The following HMGXB4 variants were observed in gnomAD, a reference collection of about 807,000 sequenced individuals.
The protein encoded by HMGXB4 is HMG-box containing 4.
HMGXB4 carries 27 observed loss-of-function variants against 63.9 expected under a neutral mutation model. That is an observed-to-expected ratio of 0.42 (90% CI 0.31 to 0.58). HMGXB4 has a LOEUF of 0.58. Among genes scored for constraint, HMGXB4 ranks in the 20% least tolerant of loss-of-function variants. The pLI, the probability that HMGXB4 is intolerant of heterozygous loss-of-function variation, is 0.13. For missense variants in HMGXB4, 624 were observed against 700.7 expected, an observed-to-expected ratio of 0.89 and a Z score of 1.24; for synonymous variants, 264 against 265.3, an observed-to-expected ratio of 0.99 and a Z score of 0.05.
rs1365424433 is a variant in HMGXB4 at position 35,295,775 on chromosome 22, ATAT to A, written c.*2130_*2132del. ...TATAAAGAAATAAAATTTTGTACTT[ATAT>A]TATTAAAAATCACATTTTTAATATT... On this transcript the variant is annotated 3_prime_UTR_variant, in exon 11 of 11. Transcript: ENST00000216106. 6.6e-6 allele frequency: 1 copy of A among 152,612 alleles called. No individual in the cohort carries two copies. Among genetic ancestry groups the A allele is most frequent in the Non-Finnish European group, 1.5e-5 (1 of 68,028 alleles). The allele number at this position is 152,612 out of a possible 1,614,324, so 9.5% of individuals were successfully genotyped here. A position where few individuals can be genotyped will look rare whatever the true frequency, so the allele number is the denominator to read the frequency against.
rs1009527054 is a variant in HMGXB4, at chr22:35,263,280, G to C, written c.180+54G>C. 3 of 1,438,466 alleles carry C rather than the reference G, an allele frequency of 2.1e-6. No individual in the cohort carries two copies. In the African/African-American group the frequency reaches 4.3e-5, roughly 21 times the overall value. The allele number at this position is 1,438,466 out of a possible 1,614,324, so 89.1% of individuals were successfully genotyped here. ...GTCTTAAACTACTCATTTTTTTTTG[G>C]TGATGCAGAGTTTTTTTTTGTTTTT... On this transcript the variant is annotated intron_variant, in intron 3 of 10. Transcript: ENST00000216106.
chr22:35,287,596 A>G, intron 8 of HMGXB4, 144 bp downstream of exon 8: 1 of 643,190 alleles, frequency 1.6e-6, no homozygotes. Flanking sequence ...AAGCTACCAA[A>G]AAGAGATGTT....
chr22:35,250,381 A>G, the HMGXB4 span, among the ~76,000 whole-genome samples: 1 of 152,166 alleles, frequency 6.6e-6, no homozygotes, highest in African/African-American at 2.4e-5. Context: ...GAGCTGGAGC[A>G]AGAGAGAGAG....
intron 5 of HMGXB4, among the ~76,000 whole-genome samples, chr22:35,277,290 C>A (rs1229519786): frequency 6.6e-6 from 1 of 152,168 alleles, no homozygotes; most frequent in Non-Finnish European, 1.5e-5. Context: ...CTTCTTGTCT[C>A]ATTTTATTTG....
At chr22:35,262,455 G>A in intron 2 of HMGXB4, 34 bp downstream of exon 2, 5 of 1,602,118 alleles carry the variant, frequency 3.1e-6, no homozygotes, top group Non-Finnish European at 4.3e-6. Context: ...CATTCCAAAG[G>A]GGGTATCCTC....
chr22:35,261,136 C>T (rs111437692), intron 1 of HMGXB4, among the ~76,000 whole-genome samples: 5 of 152,112 alleles, frequency 3.3e-5, no homozygotes, highest in Non-Finnish European at 5.9e-5. Flanking sequence ...GTTCTTAAAA[C>T]ATTTAAAGAA....
intron 5 of HMGXB4, among the ~76,000 whole-genome samples, chr22:35,269,424 C>CT (rs957658117): frequency 2.6e-5 from 4 of 152,154 alleles, no homozygotes; most frequent in African/African-American, 7.2e-5. Context: ...CACCCAATTT[C>CT]TTTAACTTAG....
chr22:35,245,386 T>C, the HMGXB4 span, among the ~76,000 whole-genome samples: 8 of 151,540 alleles, frequency 5.3e-5, no homozygotes, highest in Admixed American at 5.2e-4. Context: ...ATTTTGTATT[T>C]ATATTATTGT....
chr22:35,265,846 G>A lies in HMGXB4; in HGVS notation c.1215+243G>A, dbSNP rs148460349. Among the ~76,000 whole-genome samples, 884 of 151,356 alleles carry A rather than the reference G, an allele frequency of 5.8e-3. 11 individuals are homozygous for A. The highest frequency in any genetic ancestry group is 0.02 in the African/African-American group (839 of 41,152). ...CTGTCGCCCAGGCTGGAGTGCAGTG[G>A]TGCAGTCTGGGCTCACTGCAACCTC... On this transcript the variant is annotated intron_variant, in intron 5 of 10. Coordinates refer to ENST00000216106, the MANE Select transcript of HMGXB4 (RefSeq NM_001003681.3).
rs1407987833 is a variant in HMGXB4, at chr22:35,294,752, C to T, written c.*1101C>T. 1 of 152,206 alleles carries T rather than the reference C, an allele frequency of 6.6e-6. No individual in the cohort carries two copies. The highest frequency in any genetic ancestry group is 2.4e-5 in the African/African-American group (1 of 41,442). The allele number at this position is 152,206 out of a possible 1,614,324, so 9.4% of individuals were successfully genotyped here. ...TAATAACAGAAGCCTCCACCAGCAA[C>T]AGCATGTGGAAGATACAGATTTGTC... On this transcript the variant is annotated 3_prime_UTR_variant, in exon 11 of 11. Transcript: ENST00000216106.
rs1924664603 is a variant in HMGXB4 at position 35,287,466 on chromosome 22, C to T, written c.1468+14C>T. On this transcript the variant is annotated intron_variant, in intron 8 of 10. Transcript: ENST00000216106. ...TGAAAGTCAAAGGTAGTGACCACAT[C>T]CCGCCCCTGCTTTTCTCTAAAGCAT... 3 of 1,561,476 alleles carry T rather than the reference C, an allele frequency of 1.9e-6. No individual in the cohort carries two copies. The East Asian group carries it at 6.8e-5, about 35-fold the overall frequency.
chr22:35,287,494 G>A (rs1438887160), intron 8 of HMGXB4, 42 bp downstream of exon 8: 1 of 1,426,760 alleles, frequency 7.0e-7, no homozygotes, highest in Non-Finnish European at 9.8e-7. Flanking sequence ...TAAAGCATGT[G>A]AATTTTGCTT....
In HMGXB4 at chr22:35,287,423, C is replaced by G. The variant is rs768267347; in HGVS notation, c.1439C>G (p.Ser480Cys). Residue 480 changes from serine (S) to cysteine (C), a missense_variant, in exon 8 of 11, where the codon TCC becomes TGC. Physicochemically the swap from Ser to Cys is moderately radical, Grantham distance 112 (BLOSUM62 -1). Transcript: ENST00000216106. ...AEATTVKRKA[S>C]SSEGSMKVKA... ...GCCACAACTGTGAAAAGGAAAGCAT[C>G]CAGCTCAGAAGGTTCCATGAAAGTC... The G allele has an allele frequency of 6.2e-7, 1 of 1,613,230 alleles. No homozygotes were observed. Among genetic ancestry groups the G allele is most frequent in the Non-Finnish European group, 8.5e-7 (1 of 1,179,398 alleles).
the HMGXB4 span, among the ~76,000 whole-genome samples, chr22:35,245,171 C>T: frequency 6.6e-6 from 1 of 152,120 alleles, no homozygotes; most frequent in Admixed American, 6.5e-5. Context: ...TGCACCCGGC[C>T]CATATTGGTT....
At chr22:35,278,005 G>A (rs1403740664) in intron 5 of HMGXB4, among the ~76,000 whole-genome samples, 1 of 152,102 alleles carries the variant, frequency 6.6e-6, no homozygotes, top group East Asian at 1.9e-4. Flanking sequence ...AAATCCTGTG[G>A]TCCACCTATT....
Position 35,265,342 on chromosome 22 carries a change from G to GAAAAAGAAGTCAAAGAAGAGC in HMGXB4, c.964_984dup (p.Ser322_Lys328dup). ...ATGATTCTTACCGAGAAATCAAGAAGAAAAAGAAGTCAAAGAAGAGCAAAA... is the reference window on the plus strand; with the variant it reads ...ATGATTCTTACCGAGAAATCAAGAAGAAAAAGAAGTCAAAGAAGAGCAAAAAGAAGTCAAAGAAGAGCAAAA... On this transcript the variant is annotated inframe_insertion, in exon 5 of 11. Coordinates refer to ENST00000216106, the MANE Select transcript of HMGXB4 (RefSeq NM_001003681.3). 1 of 1,613,830 alleles carries GAAAAAGAAGTCAAAGAAGAGC rather than the reference G, an allele frequency of 6.2e-7. No individual in the cohort carries two copies. Among genetic ancestry groups the GAAAAAGAAGTCAAAGAAGAGC allele is most frequent in the Non-Finnish European group, 8.5e-7 (1 of 1,179,970 alleles).
At chr22:35,272,848 C>T (rs1027883305) in intron 5 of HMGXB4, among the ~76,000 whole-genome samples, 11 of 152,180 alleles carry the variant, frequency 7.2e-5, no homozygotes, top group African/African-American at 1.4e-4. Flanking sequence ...GCAGGAGAAT[C>T]GCTTGAACCC....
chr22:35,260,011 A>G (rs1922741616), intron 1 of HMGXB4, among the ~76,000 whole-genome samples: 1 of 152,226 alleles, frequency 6.6e-6, no homozygotes, highest in African/African-American at 2.4e-5. Context: ...AGACCACGAT[A>G]CAGTCATCTT....
At chr22:35,287,576 G>A in intron 8 of HMGXB4, 124 bp downstream of exon 8, 4 of 664,554 alleles carry the variant, frequency 6.0e-6, no homozygotes, top group South Asian at 1.8e-5. Flanking sequence ...TTATTACCTG[G>A]GAATGTTACA....
Sources: gnomAD v4.1 joint callset for allele counts (sites outside exome capture counted in the v4.1 genomes callset) on GRCh38, gnomAD v4.1.1 for gene constraint, MANE v1.5 for transcripts, NCBI Gene and HGNC (gene_info 2026-07-23, HGNC 2026-07-21) for gene names.